Variants in NKIRAS1 observed in about 807,000 individuals in gnomAD.
The protein encoded by NKIRAS1 is NFKB inhibitor interacting Ras like 1.
NKIRAS1 carries 16 observed loss-of-function variants against 19.8 expected under a neutral mutation model. That is an observed-to-expected ratio of 0.81 (90% CI 0.55 to 1.23). The LOEUF is 1.23. Ranked by LOEUF, NKIRAS1 falls within the 50% of genes most tolerant of loss-of-function variation. The probability of loss-of-function intolerance (pLI) is 0.00; values close to 1 mark genes in which losing one functional copy is unlikely to be tolerated. For synonymous variants in NKIRAS1, 88 were observed against 79.0 expected (o/e 1.11, Z -0.61); for missense variants, 184 against 220.0 (o/e 0.84, Z 1.04).
chr3:23,937,238 G>T (rs1705411054), intron 1 of NKIRAS1, among the ~76,000 whole-genome samples: 1 of 152,068 alleles, frequency 6.6e-6, no homozygotes, highest in African/African-American at 2.4e-5. Context: ...AATTTGCCGG[G>T]CGTGTGCCTG....
upstream of NKIRAS1, chr3:23,917,639 G>T: frequency 1.9e-6 from 1 of 517,254 alleles, no homozygotes; most frequent in Admixed American, 3.8e-5. Context: ...AACGTGCCGA[G>T]CACCGCTCTG....
At chr3:23,943,266 C>T (rs1036099144) in intron 1 of NKIRAS1, among the ~76,000 whole-genome samples, 1 of 152,114 alleles carries the variant, frequency 6.6e-6, no homozygotes, top group Non-Finnish European at 1.5e-5. Context: ...GAGTTTTGCT[C>T]TTTTTGCCCA....
intron 1 of NKIRAS1, chr3:23,946,118 AT>A (rs1385107638): frequency 1.0e-6 from 1 of 983,678 alleles, no homozygotes; most frequent in African/African-American, 1.8e-5. Flanking sequence ...CGTCGCCGCG[AT>A]TCCCTCCTCC....
intron 1 of NKIRAS1, among the ~76,000 whole-genome samples, chr3:23,944,170 A>T (rs951983387): frequency 3.3e-5 from 5 of 152,196 alleles, no homozygotes; most frequent in African/African-American, 1.2e-4. Context: ...AGGCTGTGAG[A>T]GTGTTAGGAG....
intron 1 of NKIRAS1, among the ~76,000 whole-genome samples, chr3:23,913,331 G>A (rs1398865235): frequency 1.3e-5 from 2 of 152,118 alleles, no homozygotes; most frequent in African/African-American, 2.4e-5. Flanking sequence ...AAAGCAAAGA[G>A]ATGACAGAAC....
At chr3:23,914,363 C>A (rs770584067) in intron 1 of NKIRAS1, among the ~76,000 whole-genome samples, 2 of 152,076 alleles carry the variant, frequency 1.3e-5, no homozygotes, top group African/African-American at 4.8e-5. Flanking sequence ...AAAAACAATA[C>A]CAAAACACTG....
At chr3:23,904,962 C>T (rs1434986005) in intron 3 of NKIRAS1, among the ~76,000 whole-genome samples, 1 of 152,094 alleles carries the variant, frequency 6.6e-6, no homozygotes, top group African/African-American at 2.4e-5. Flanking sequence ...GAAAAGTAAA[C>T]AACCACAGCT....
intron 4 of NKIRAS1, among the ~76,000 whole-genome samples, chr3:23,898,474 G>C (rs796378697): frequency 2.1e-5 from 3 of 144,876 alleles, no homozygotes; most frequent in African/African-American, 7.7e-5. Flanking sequence ...ACAGAGTCTT[G>C]CTCTGTCACC....
intron 3 of NKIRAS1, among the ~76,000 whole-genome samples, chr3:23,908,777 C>T (rs968107799): frequency 1.3e-5 from 2 of 152,070 alleles, no homozygotes; most frequent in Non-Finnish European, 2.9e-5. Context: ...GATTCTCCCA[C>T]CCCAGCATCT....
At chr3:23,910,133 T>C (rs1037344550) in intron 3 of NKIRAS1, among the ~76,000 whole-genome samples, 7 of 140,844 alleles carry the variant, frequency 5.0e-5, no homozygotes, top group Non-Finnish European at 9.2e-5. Flanking sequence ...TTTGGATTAC[T>C]GGTGTGAGCC....
intron 1 of NKIRAS1, among the ~76,000 whole-genome samples, chr3:23,945,880 C>G (rs964246781): frequency 6.6e-6 from 1 of 150,826 alleles, no homozygotes; most frequent in Non-Finnish European, 1.5e-5. Context: ...TGTTTACGTT[C>G]GGCGGCGCGC....
At chr3:23,917,715 T>C, upstream of NKIRAS1, 1 of 858,028 alleles carries the variant, frequency 1.2e-6, no homozygotes, top group Non-Finnish European at 1.8e-6. Context: ...GGGCTAGCTG[T>C]CCCCGGCAGT....
At chr3:23,908,793 A>T (rs1469009044) in intron 3 of NKIRAS1, among the ~76,000 whole-genome samples, 2 of 151,934 alleles carry the variant, frequency 1.3e-5, no homozygotes, top group African/African-American at 4.8e-5. Context: ...CATCTCAAGT[A>T]ACTGGAACCA....
intron 1 of NKIRAS1, among the ~76,000 whole-genome samples, chr3:23,941,428 AG>A (rs1200256969): frequency 3.3e-5 from 5 of 152,210 alleles, no homozygotes; most frequent in Admixed American, 1.3e-4. Context: ...TTTCCTAGAA[AG>A]TAATTTGCAT....
Position 23,893,188 on chromosome 3 carries a change from A to G in NKIRAS1, c.486T>C (p.Thr162=), listed in dbSNP as rs780587633. Residue 162 remains threonine, a synonymous_variant, in exon 5 of 5, where the codon ACT becomes ACC. Coordinates refer to ENST00000425478, the MANE Select transcript of NKIRAS1 (RefSeq NM_020345.4). ...TDRKTLIEPF[T]LLASKLSQPQ... Reference sequence around the variant, plus strand: ...GTTGAGAAAGTTTACTGGCTAATAAAGTGAATGGTTCAATCAGAGTTTTCC... The same window carrying G: ...GTTGAGAAAGTTTACTGGCTAATAAGGTGAATGGTTCAATCAGAGTTTTCC... 1 of 1,613,850 alleles carries G rather than the reference A, an allele frequency of 6.2e-7. No homozygotes were observed. Among genetic ancestry groups the G allele is most frequent in the South Asian group, 1.1e-5 (1 of 91,016 alleles).
At chr3:23,915,133 A>G (rs530136164) in intron 1 of NKIRAS1, among the ~76,000 whole-genome samples, 2 of 152,354 alleles carry the variant, frequency 1.3e-5, no homozygotes, top group Non-Finnish European at 2.9e-5. Context: ...ATACGAAGAT[A>G]TTATCCTGAA....
chr3:23,925,637 A>AAAAT (rs146116439), intron 1 of NKIRAS1, among the ~76,000 whole-genome samples: 2,875 of 151,446 alleles, frequency 0.019, 48 homozygotes, highest in East Asian at 0.058. Context: ...CTGTCTCAAA[A>AAAAT]AAATAAATAA....
upstream of NKIRAS1, chr3:23,918,510 C>T (rs35608037): frequency 1.7e-3 from 2,715 of 1,613,892 alleles, 32 homozygotes; most frequent in African/African-American, 0.03. Flanking sequence ...GTGCAACTTA[C>T]GGCAAGCCTG....
intron 1 of NKIRAS1, chr3:23,923,889 C>G (rs558345086): frequency 6.6e-6 from 1 of 152,276 alleles, no homozygotes; most frequent in African/African-American, 2.4e-5. Context: ...CTCTTCTCTA[C>G]TTTTATTTTG....
Sources: gnomAD v4.1 joint callset for allele counts (sites outside exome capture counted in the v4.1 genomes callset) on GRCh38, gnomAD v4.1.1 for gene constraint, MANE v1.5 for transcripts, NCBI Gene and HGNC (gene_info 2026-07-23, HGNC 2026-07-21) for gene names.